The following PRELID2 variants were observed in gnomAD, a reference collection of about 807,000 sequenced individuals.
The protein encoded by PRELID2 is PRELI domain-containing protein 2.
Under a neutral mutation model 28.4 loss-of-function variants are expected in PRELID2, and 25 were observed. The ratio of observed to expected loss-of-function variants is 0.88; its 90% confidence interval spans 0.64 to 1.23. The LOEUF (loss-of-function observed/expected upper bound fraction) is 1.23, where lower values mean the gene tolerates loss of function less well. PRELID2 is among the 50% of genes most tolerant of loss of function. The pLI is 0.00. For missense variants in PRELID2, 201 were observed against 214.4 expected (o/e 0.94, Z 0.39); for synonymous variants, 76 against 71.6 (o/e 1.06, Z -0.31).
At chr5:145,744,248 C>T (rs923727123) in intron 1 of PRELID2, among the ~76,000 whole-genome samples, 11 of 152,226 alleles carry the variant, frequency 7.2e-5, no homozygotes, top group South Asian at 4.1e-4. Flanking sequence ...TTTTCTCCTG[C>T]AGACCAGCAG....
intron 1 of PRELID2, among the ~76,000 whole-genome samples, chr5:145,556,443 C>A (rs567583575): frequency 9.8e-4 from 149 of 152,258 alleles, no homozygotes; most frequent in African/African-American, 3.4e-3. Flanking sequence ...GATTTCAGCT[C>A]TGGTATTTCT....
At chr5:145,335,324 T>G in the PRELID2 span, among the ~76,000 whole-genome samples, 1 of 152,154 alleles carries the variant, frequency 6.6e-6, no homozygotes, top group South Asian at 2.1e-4. Flanking sequence ...TTTAATCATT[T>G]ATATCTCTTT....
intron 1 of PRELID2, among the ~76,000 whole-genome samples, chr5:145,702,240 C>T (rs1177290073): frequency 6.6e-6 from 1 of 152,088 alleles, no homozygotes; most frequent in Non-Finnish European, 1.5e-5. Flanking sequence ...TTATGATCAT[C>T]TGAGTATGGT....
intron 1 of PRELID2, among the ~76,000 whole-genome samples, chr5:145,603,173 A>C (rs1753423714): frequency 6.6e-6 from 1 of 152,176 alleles, no homozygotes; most frequent in Non-Finnish European, 1.5e-5. Flanking sequence ...CTACTATTGA[A>C]AGAAGTAAGT....
chr5:145,234,028 A>C, the PRELID2 span, among the ~76,000 whole-genome samples: 4 of 152,168 alleles, frequency 2.6e-5, no homozygotes, highest in Non-Finnish European at 4.4e-5. Flanking sequence ...AGACACCCTT[A>C]TTTGAATACT....
chr5:145,359,070 G>A, the PRELID2 span, among the ~76,000 whole-genome samples: 1 of 152,282 alleles, frequency 6.6e-6, no homozygotes, highest in Admixed American at 6.5e-5. Context: ...TCCAGATGGT[G>A]ATTACTGATG....
At chr5:145,336,863 C>CA in the PRELID2 span, among the ~76,000 whole-genome samples, 3 of 148,490 alleles carry the variant, frequency 2.0e-5, no homozygotes, top group Non-Finnish European at 4.4e-5. Flanking sequence ...ATCGCAAGAA[C>CA]AAAAAACCAA....
At chr5:145,314,708 T>G in the PRELID2 span, among the ~76,000 whole-genome samples, 1 of 152,036 alleles carries the variant, frequency 6.6e-6, no homozygotes, top group African/African-American at 2.4e-5. Context: ...CATTTCAAAG[T>G]AAGTTGCCAG....
At chr5:145,291,335 C>CACAAAAAAAAA in the PRELID2 span, among the ~76,000 whole-genome samples, 12 of 57,472 alleles carry the variant, frequency 2.1e-4, no homozygotes, top group African/African-American at 1.3e-3. Flanking sequence ...GACTCTGTTT[C>CACAAAAAAAAA]AGAAAAAAAA....
chr5:145,792,955 G>T (rs1482688275), intron 5 of PRELID2, among the ~76,000 whole-genome samples: 1 of 152,170 alleles, frequency 6.6e-6, no homozygotes, highest in Admixed American at 6.5e-5. Flanking sequence ...TTTGTGCTGG[G>T]TCACAAAGGT....
the PRELID2 span, among the ~76,000 whole-genome samples, chr5:145,414,173 C>G: frequency 1.3e-5 from 2 of 152,116 alleles, no homozygotes; most frequent in Non-Finnish European, 2.9e-5. Context: ...GGTCAAGCAA[C>G]CGGTAGAGAA....
chr5:145,674,819 C>A (rs1489934340), intron 1 of PRELID2, among the ~76,000 whole-genome samples: 9 of 152,084 alleles, frequency 5.9e-5, no homozygotes, highest in Middle Eastern at 3.4e-3. Flanking sequence ...TGGTGGTGCA[C>A]ACCTGTAGTC....
chr5:145,408,396 TA>T, the PRELID2 span, among the ~76,000 whole-genome samples: 96 of 18,918 alleles, frequency 5.1e-3, 1 homozygote, highest in African/African-American at 0.038. Flanking sequence ...TAAAGAAATT[TA>T]TATATATATA....
At chr5:145,714,980 A>G (rs1654233) in intron 1 of PRELID2, among the ~76,000 whole-genome samples, 27,992 of 151,968 alleles carry the variant, frequency 0.18, 2,995 homozygotes, top group African/African-American at 0.29. Flanking sequence ...ACTTAATCCT[A>G]GACCTCTTTC....
chr5:145,517,345 C>T (rs1752525800), intron 1 of PRELID2, among the ~76,000 whole-genome samples: 1 of 152,080 alleles, frequency 6.6e-6, no homozygotes, highest in South Asian at 2.1e-4. Flanking sequence ...TGAACAGACA[C>T]TTCTCGAAAG....
the PRELID2 span, among the ~76,000 whole-genome samples, chr5:145,413,956 A>G: frequency 6.6e-6 from 1 of 152,188 alleles, no homozygotes; most frequent in African/African-American, 2.4e-5. Flanking sequence ...ACTTGGTTCC[A>G]CATCTTAGCT....
At chr5:145,250,139 A>G in the PRELID2 span, among the ~76,000 whole-genome samples, 1 of 152,124 alleles carries the variant, frequency 6.6e-6, no homozygotes, top group Non-Finnish European at 1.5e-5. Context: ...GTGTTCTTTC[A>G]GGGGAGAAAC....
the PRELID2 span, among the ~76,000 whole-genome samples, chr5:145,238,659 A>T: frequency 6.6e-6 from 1 of 152,030 alleles, no homozygotes. Context: ...AGCTACACCC[A>T]CATCTGACTA....
the PRELID2 span, chr5:145,229,593 G>A: frequency 5.8e-6 from 8 of 1,374,208 alleles, no homozygotes; most frequent in African/African-American, 1.0e-4. Flanking sequence ...GAAGTTGCAG[G>A]CAAGCACGGT....
Sources: allele counts gnomAD v4.1 joint callset (sites outside exome capture counted in the v4.1 genomes callset), GRCh38; gene constraint gnomAD v4.1.1; transcripts MANE v1.5; gene names NCBI Gene and HGNC (gene_info 2026-07-23, HGNC 2026-07-21).